THSD7B: variants seen among roughly 807,000 people sequenced by gnomAD.
The protein encoded by THSD7B is thrombospondin type 1 domain containing 7B.
In THSD7B, 138 loss-of-function variants were observed where a neutral mutation model predicts 213.6. That is an observed-to-expected ratio of 0.65 (90% confidence interval 0.56 to 0.74). The LOEUF (loss-of-function observed/expected upper bound fraction) is 0.74. Ranked by LOEUF, THSD7B falls within the 30% of genes least tolerant of loss-of-function variation. The probability of loss-of-function intolerance (pLI) is 0.00; values close to 1 mark genes in which losing one functional copy is unlikely to be tolerated. For synonymous variants in THSD7B, 742 were observed against 687.0 expected (o/e 1.08, Z -1.25); for missense variants, 1,931 against 1,991.5 (o/e 0.97, Z 0.58).
intron 15 of THSD7B, among the ~76,000 whole-genome samples, chr2:137,476,379 T>C (rs1688193052): frequency 6.6e-6 from 1 of 152,120 alleles, no homozygotes; most frequent in South Asian, 2.1e-4. Context: ...GTGTTACTCA[T>C]AAAATCTTTG....
At chr2:137,406,947 C>T (rs1203208257) in intron 13 of THSD7B, among the ~76,000 whole-genome samples, 1 of 152,116 alleles carries the variant, frequency 6.6e-6, no homozygotes, top group African/African-American at 2.4e-5. Flanking sequence ...AGTTCAGGGG[C>T]CAATGAATGA....
At chr2:137,352,544 A>G (rs768654604) in intron 12 of THSD7B, among the ~76,000 whole-genome samples, 3 of 151,866 alleles carry the variant, frequency 2.0e-5, no homozygotes, top group African/African-American at 4.8e-5. Flanking sequence ...TCATCACCCC[A>G]TGGTTTATGG....
intron 12 of THSD7B, among the ~76,000 whole-genome samples, chr2:137,314,577 G>T (rs1286380474): frequency 1.3e-5 from 2 of 152,130 alleles, no homozygotes; most frequent in Non-Finnish European, 2.9e-5. Context: ...GAGGAGGAGA[G>T]GTGCTCTGCT....
At chr2:137,202,464 G>A (rs910369829) in intron 7 of THSD7B, among the ~76,000 whole-genome samples, 1 of 152,156 alleles carries the variant, frequency 6.6e-6, no homozygotes, top group Non-Finnish European at 1.5e-5. Flanking sequence ...AAGAAGCAGA[G>A]CAGAGTGGTT....
At chr2:137,346,227 C>T (rs569742340) in intron 12 of THSD7B, among the ~76,000 whole-genome samples, 7 of 151,762 alleles carry the variant, frequency 4.6e-5, no homozygotes, top group African/African-American at 1.7e-4. Flanking sequence ...ACTCTCTAGC[C>T]ACTGAAACGT....
chr2:137,377,155 A>C (rs1685675474), intron 12 of THSD7B, among the ~76,000 whole-genome samples: 1 of 152,142 alleles, frequency 6.6e-6, no homozygotes, highest in African/African-American at 2.4e-5. Context: ...TTCTGTGTAG[A>C]TTATGAGCCC....
intron 2 of THSD7B, among the ~76,000 whole-genome samples, chr2:136,891,082 G>T (rs1683847077): frequency 6.6e-6 from 1 of 150,780 alleles, no homozygotes; most frequent in Admixed American, 6.6e-5. Context: ...TAATTTGTAA[G>T]GTCTTTTACT....
At chr2:137,238,747 G>T (rs1403098247) in intron 9 of THSD7B, among the ~76,000 whole-genome samples, 2 of 149,314 alleles carry the variant, frequency 1.3e-5, no homozygotes, top group Non-Finnish European at 3.0e-5. Context: ...TAGAGACGGG[G>T]TTTCACCTTG....
chr2:137,599,636 G>A (rs1004923455), intron 17 of THSD7B, among the ~76,000 whole-genome samples: 5 of 151,856 alleles, frequency 3.3e-5, no homozygotes, highest in Non-Finnish European at 7.4e-5. Flanking sequence ...CCATTACTGG[G>A]TATATACCCA....
chr2:137,061,684 A>G (rs952221969), intron 3 of THSD7B, among the ~76,000 whole-genome samples: 1 of 151,802 alleles, frequency 6.6e-6, no homozygotes, highest in Non-Finnish European at 1.5e-5. Flanking sequence ...CAAATGTTGA[A>G]CCAGCCTTGT....
At chr2:137,352,989 A>G (rs1685047299) in intron 12 of THSD7B, among the ~76,000 whole-genome samples, 1 of 151,996 alleles carries the variant, frequency 6.6e-6, no homozygotes, top group Non-Finnish European at 1.5e-5. Context: ...CTTGCTTAAA[A>G]TCTCCTAGAA....
At chr2:137,361,770 A>G (rs1558770066) in intron 12 of THSD7B, among the ~76,000 whole-genome samples, 1 of 152,214 alleles carries the variant, frequency 6.6e-6, no homozygotes, top group Non-Finnish European at 1.5e-5. Context: ...GTGTACCTGA[A>G]AGTGACGGGG....
intron 15 of THSD7B, among the ~76,000 whole-genome samples, chr2:137,562,017 G>A (rs528199903): frequency 6.6e-6 from 1 of 152,272 alleles, no homozygotes; most frequent in South Asian, 2.1e-4. Flanking sequence ...TTCAGAGGTA[G>A]TCTTGCAAAT....
intron 14 of THSD7B, among the ~76,000 whole-genome samples, chr2:137,432,206 C>T (rs774351717): frequency 5.9e-5 from 9 of 152,116 alleles, no homozygotes; most frequent in Non-Finnish European, 1.2e-4. Context: ...TCCTGGCCAA[C>T]GTGGTGAAAC....
intron 12 of THSD7B, among the ~76,000 whole-genome samples, chr2:137,344,663 GA>G (rs1684836451): frequency 6.6e-6 from 1 of 151,500 alleles, no homozygotes; most frequent in Non-Finnish European, 1.5e-5. Flanking sequence ...CAGTTTGGAC[GA>G]ACCATTTTCT....
chr2:137,390,293 T>G (rs1210566230), intron 12 of THSD7B, among the ~76,000 whole-genome samples: 1 of 152,176 alleles, frequency 6.6e-6, no homozygotes, highest in Non-Finnish European at 1.5e-5. Flanking sequence ...AGATTTTTTT[T>G]GTAGGAATTA....
Position 137,231,136 on chromosome 2 carries a change from G to A in THSD7B, c.1816G>A (p.Glu606Lys), listed in dbSNP as rs746487130. The change falls in exon 8 of 28, where the codon GAG becomes AAG. Residue 606 changes from glutamate (E) to lysine (K), a missense_variant. Coordinates refer to ENST00000409968, the MANE Select transcript of THSD7B (RefSeq NM_001316349.2). The part of the protein sequence containing the change: ...IPCRMDCVLS[E>K]WTEWSSCSQS... ...CTGCCGAATGGACTGTGTGCTGAGC[G>A]AGTGGACGGAGTGGTCATCCTGTTC... The A allele has an allele frequency of 3.7e-6, 6 of 1,613,778 alleles. No individual in the cohort carries two copies. Among genetic ancestry groups the A allele is most frequent in the South Asian group, 2.2e-5 (2 of 91,064 alleles).
chr2:136,980,380 A>G (rs1210648531), intron 2 of THSD7B, among the ~76,000 whole-genome samples: 1 of 151,856 alleles, frequency 6.6e-6, no homozygotes, highest in Non-Finnish European at 1.5e-5. Context: ...GACAGTGGCC[A>G]CCCCCTCCCA....
At chr2:136,835,852 G>A (rs1356614437) in intron 1 of THSD7B, among the ~76,000 whole-genome samples, 1 of 152,138 alleles carries the variant, frequency 6.6e-6, no homozygotes, top group Non-Finnish European at 1.5e-5. Flanking sequence ...CCCTGATAAT[G>A]ATGAAAGAAC....
Sources: gnomAD v4.1 joint callset for allele counts (sites outside exome capture counted in the v4.1 genomes callset) on GRCh38, gnomAD v4.1.1 for gene constraint, MANE v1.5 for transcripts, NCBI Gene and HGNC (gene_info 2026-07-23, HGNC 2026-07-21) for gene names.